Variants in GABRG3 observed in about 807,000 individuals in gnomAD.
GABRG3 encodes the protein gamma-aminobutyric acid type A receptor subunit gamma3.
Under a neutral mutation model 48.8 loss-of-function variants are expected in GABRG3, and 25 were observed. That is an observed-to-expected ratio of 0.51 (90% CI 0.37 to 0.72). GABRG3 has a LOEUF of 0.72. Ranked by LOEUF, GABRG3 falls within the 30% of genes least tolerant of loss-of-function variation. GABRG3 has a pLI of 0.00. For synonymous variants in GABRG3, 227 were observed against 217.6 expected, an observed-to-expected ratio of 1.04 and a Z score of -0.38; for missense variants, 394 against 577.9, an observed-to-expected ratio of 0.68 and a Z score of 3.26.
At chr15:27,434,589 A>G (rs1424616386) in intron 5 of GABRG3, among the ~76,000 whole-genome samples, 1 of 152,226 alleles carries the variant, frequency 6.6e-6, no homozygotes, top group Non-Finnish European at 1.5e-5. Context: ...TACCTCTTAA[A>G]ATGAAAACAA....
rs528124905 is a variant in GABRG3 at position 26,975,228 on chromosome 15, G to A, written c.54-1774G>A. The stretch of plus-strand genomic sequence containing the variant: ...CATTTAAAATTCTGTAGTATTACTT[G>A]TAAATGTTCACTTTAATAAATAATG... On this transcript the variant is annotated intron_variant, in intron 1 of 9. Transcript: ENST00000615808. The surrounding 1 kb of genome is among the most constrained non-coding windows in gnomAD (Gnocchi z 4.6). Among the ~76,000 whole-genome samples the A allele has an allele frequency of 6.6e-6, 1 of 152,212 alleles. No homozygotes were observed. Among genetic ancestry groups the A allele is most frequent in the South Asian group, 2.1e-4 (1 of 4,818 alleles).
intron 3 of GABRG3, among the ~76,000 whole-genome samples, chr15:27,282,384 C>T (rs193092310): frequency 6.6e-6 from 1 of 152,308 alleles, no homozygotes; most frequent in East Asian, 1.9e-4. Context: ...CCCCGAGGCC[C>T]TGCTCTTCTT....
intron 6 of GABRG3, among the ~76,000 whole-genome samples, chr15:27,498,160 G>A (rs902119135): frequency 6.6e-6 from 1 of 151,852 alleles, no homozygotes; most frequent in Non-Finnish European, 1.5e-5. Flanking sequence ...CCTTCCTTCT[G>A]TTTCTTTCCT....
chr15:27,105,909 T>A lies in GABRG3; in HGVS notation c.270+79088T>A, dbSNP rs141497849. ...TGGATGGACAAATGGATAAATAAAC[T>A]GTGGTGTGTATATACAATGCAATAT... On this transcript the variant is annotated intron_variant, in intron 3 of 9. Coordinates refer to ENST00000615808, the MANE Select transcript of GABRG3 (RefSeq NM_033223.5). Among the ~76,000 whole-genome samples, 7 of 152,128 alleles carry A rather than the reference T, an allele frequency of 4.6e-5. No individual in the cohort carries two copies. The East Asian group carries it at 1.4e-3, about 29-fold the overall frequency.
intron 3 of GABRG3, among the ~76,000 whole-genome samples, chr15:27,282,622 T>C (rs1013021448): frequency 6.6e-6 from 1 of 152,230 alleles, no homozygotes; most frequent in South Asian, 2.1e-4. Flanking sequence ...TTTGTGTCCA[T>C]AGAGTTCTTA....
chr15:27,370,888 A>G (rs145483936), intron 5 of GABRG3, among the ~76,000 whole-genome samples: 215 of 152,256 alleles, frequency 1.4e-3, no homozygotes, highest in African/African-American at 5.0e-3. Context: ...TGGCCACTTT[A>G]TCAAAACTGA....
rs1220273629 is a variant in GABRG3 at position 27,180,974 on chromosome 15, C to T, written c.271-145835C>T. ...TGTTACGTTCAGCTGCTGAATTGTG[C>T]TGACTTCTTAGGAGGGCCGTAGTTC... On this transcript the variant is annotated intron_variant, in intron 3 of 9. Transcript: ENST00000615808. The surrounding 1 kb of genome is among the most constrained non-coding windows in gnomAD (Gnocchi z 4.2). Among the ~76,000 whole-genome samples the T allele has an allele frequency of 6.6e-6, 1 of 152,170 alleles. No individual in the cohort carries two copies. Among genetic ancestry groups the T allele is most frequent in the African/African-American group, 2.4e-5 (1 of 41,434 alleles).
chr15:27,419,457 T>A (rs1380343796), intron 5 of GABRG3, among the ~76,000 whole-genome samples: 1 of 152,202 alleles, frequency 6.6e-6, no homozygotes, highest in African/African-American at 2.4e-5. Context: ...TTCCACATGG[T>A]CTCTGGATGC....
chr15:27,243,715 A>G (rs1890193764), intron 3 of GABRG3, among the ~76,000 whole-genome samples: 1 of 152,150 alleles, frequency 6.6e-6, no homozygotes. Flanking sequence ...CTATTTGCAT[A>G]TTCATTTTGT....
intron 3 of GABRG3, among the ~76,000 whole-genome samples, chr15:27,116,416 T>C (rs1366583559): frequency 6.6e-6 from 1 of 152,212 alleles, no homozygotes; most frequent in Non-Finnish European, 1.5e-5. Flanking sequence ...TCATTTTATC[T>C]TGCATTCCTT....
intron 3 of GABRG3, among the ~76,000 whole-genome samples, chr15:27,115,405 G>A (rs572560143): frequency 4.6e-5 from 7 of 152,152 alleles, no homozygotes; most frequent in African/African-American, 7.2e-5. Flanking sequence ...AGCTGAGGGC[G>A]GAATGTGGTC....
intron 5 of GABRG3, among the ~76,000 whole-genome samples, chr15:27,337,167 G>T (rs1383789457): frequency 2.6e-5 from 4 of 152,118 alleles, no homozygotes; most frequent in Admixed American, 6.5e-5. Context: ...TATTCCCTGA[G>T]TAGCATCATG....
intron 3 of GABRG3, among the ~76,000 whole-genome samples, chr15:27,215,960 GC>G (rs1889233519): frequency 6.6e-6 from 1 of 152,130 alleles, no homozygotes; most frequent in South Asian, 2.1e-4. Context: ...GTGCTTGCTG[GC>G]CCAGAAGAGG....
intron 9 of GABRG3, among the ~76,000 whole-genome samples, chr15:27,532,212 C>A (rs974990190): frequency 2.0e-5 from 3 of 151,992 alleles, no homozygotes; most frequent in African/African-American, 7.3e-5. Context: ...ATATGCTTAA[C>A]CTTCTTCATT....
chr15:27,527,770 G>A, intron 8 of GABRG3, 141 bp downstream of exon 8: 2 of 1,027,936 alleles, frequency 1.9e-6, no homozygotes, highest in Admixed American at 4.7e-5. Flanking sequence ...TTCAAAACCA[G>A]ACAGGGATTC....
chr15:27,046,367 G>A (rs1896365802), intron 3 of GABRG3, among the ~76,000 whole-genome samples: 1 of 151,972 alleles, frequency 6.6e-6, no homozygotes, highest in Non-Finnish European at 1.5e-5. Context: ...GTCTCCCAAA[G>A]TGCTGGGATT....
At chr15:27,196,584 G>A (rs775859841) in intron 3 of GABRG3, among the ~76,000 whole-genome samples, 10 of 152,172 alleles carry the variant, frequency 6.6e-5, no homozygotes, top group Admixed American at 6.5e-5. Context: ...TCACAGATCA[G>A]TATATTTATA....
rs373831797 is a variant in GABRG3 at position 27,527,420 on chromosome 15, G to A, written c.866-13G>A. On this transcript the variant is annotated splice_polypyrimidine_tract_variant and intron_variant, in intron 7 of 9. Coordinates refer to ENST00000615808, the MANE Select transcript of GABRG3 (RefSeq NM_033223.5). ...TGCACCCTTTTACAACATGCTACCC[G>A]TCCCCTGTTCAGGCATCACCACGGT... 14 of 1,610,396 alleles carry A rather than the reference G, an allele frequency of 8.7e-6. No homozygotes were observed. The highest frequency in any genetic ancestry group is 1.1e-5 in the Non-Finnish European group (13 of 1,177,890).
Position 27,535,568 on chromosome 15 carries a change from T to G in GABRG3, c.*2687T>G, listed in dbSNP as rs1176349752. The stretch of plus-strand genomic sequence containing the variant: ...AGAAAGTCCAATGGATTTCACTAAC[T>G]GAGCATCATAGTGTGGATTCCTGCA... On this transcript the variant is annotated 3_prime_UTR_variant, in exon 10 of 10. Transcript: ENST00000615808. 1 of 152,234 alleles carries G rather than the reference T, an allele frequency of 6.6e-6. No individual in the cohort carries two copies. Among genetic ancestry groups the G allele is most frequent in the Non-Finnish European group, 1.5e-5 (1 of 68,060 alleles). 9.4% of individuals were successfully genotyped at this position (152,234 alleles called of 1,614,324 possible).
Sources: allele counts gnomAD v4.1 joint callset (sites outside exome capture counted in the v4.1 genomes callset), GRCh38; gene constraint gnomAD v4.1.1; non-coding constraint Gnocchi (gnomAD v3.1); transcripts MANE v1.5; gene names NCBI Gene and HGNC (gene_info 2026-07-23, HGNC 2026-07-21).